KCNMB1: variants seen among roughly 807,000 people sequenced by gnomAD.
The protein encoded by KCNMB1 is calcium-activated potassium channel subunit beta-1.
In KCNMB1, 22 loss-of-function variants were observed where a neutral mutation model predicts 21.7. That is an observed-to-expected ratio of 1.01 (90% CI 0.72 to 1.45). The LOEUF is 1.45. KCNMB1 is among the 40% of genes most tolerant of loss of function. The probability of loss-of-function intolerance (pLI) is 0.00; values close to 1 mark genes in which losing one functional copy is unlikely to be tolerated. For synonymous variants in KCNMB1, 114 were observed against 107.6 expected, an observed-to-expected ratio of 1.06 and a Z score of -0.37; for missense variants, 243 against 243.4, an observed-to-expected ratio of 1.00 and a Z score of 0.01.
chr5:170,380,752 A>C (rs1329689751), intron 3 of KCNMB1, among the ~76,000 whole-genome samples: 2 of 152,168 alleles, frequency 1.3e-5, no homozygotes, highest in African/African-American at 2.4e-5. Context: ...AATGCCTCTG[A>C]CTGTGACCTT....
intron 3 of KCNMB1, 41 bp from the exon 4 acceptor site, chr5:170,379,014 C>T (rs1462807654): frequency 6.3e-7 from 1 of 1,597,240 alleles, no homozygotes; most frequent in East Asian, 2.2e-5. Context: ...TTGGAAATCC[C>T]CATTTCTTAG....
In KCNMB1 at chr5:170,377,636, A is replaced by G. The variant is rs188285369; in HGVS notation, c.*1068T>C. The G allele has an allele frequency of 5.0e-3, 758 of 151,668 alleles. 7 individuals are homozygous for G. Among genetic ancestry groups the G allele is most frequent in the African/African-American group, 0.017 (707 of 41,316 alleles). 9.4% of individuals were successfully genotyped at this position (151,668 alleles called of 1,614,324 possible). On this transcript the variant is annotated 3_prime_UTR_variant, in exon 4 of 4. Transcript: ENST00000274629. ...TCACCAGGCTGGAGTGCAGTGGCAC[A>G]ATCTCGGCTCACTGCAAGCTCCGAA...
chr5:170,383,556 C>G (rs923862005), intron 3 of KCNMB1, 123 bp downstream of exon 3: 2 of 1,084,524 alleles, frequency 1.8e-6, no homozygotes, highest in Non-Finnish European at 2.7e-6. Context: ...CAGTCTCATT[C>G]CAGCTGTGAG....
intron 3 of KCNMB1, among the ~76,000 whole-genome samples, chr5:170,380,134 C>T (rs911190287): frequency 3.3e-5 from 5 of 152,130 alleles, no homozygotes; most frequent in Middle Eastern, 3.2e-3. Flanking sequence ...TTAATTCTGA[C>T]GTTGATTATT....
At chr5:170,387,075 C>T (rs1429775617) in intron 1 of KCNMB1, among the ~76,000 whole-genome samples, 1 of 152,100 alleles carries the variant, frequency 6.6e-6, no homozygotes, top group Non-Finnish European at 1.5e-5. Flanking sequence ...GTCCTAGAGC[C>T]TCTGGTAAAT....
rs1764014416 is a variant in KCNMB1 at position 170,376,547 on chromosome 5, G to A, written c.*2157C>T. 6.6e-6 allele frequency: 1 copy of A among 152,086 alleles called. No individual in the cohort carries two copies. The highest frequency in any genetic ancestry group is 6.5e-5 in the Admixed American group (1 of 15,272). The allele number at this position is 152,086 out of a possible 1,614,324, so 9.4% of individuals were successfully genotyped here. On this transcript the variant is annotated 3_prime_UTR_variant, in exon 4 of 4. Coordinates refer to ENST00000274629, the MANE Select transcript of KCNMB1 (RefSeq NM_004137.4). Reference sequence around the variant, plus strand: ...CCCGCCCTCCAATAGGCCTCAGTGTGTGTTGTTCCCCTCTTTGTGTCCATG... The same window carrying A: ...CCCGCCCTCCAATAGGCCTCAGTGTATGTTGTTCCCCTCTTTGTGTCCATG...
chr5:170,375,943 A>G lies in KCNMB1; in HGVS notation c.*2761T>C, dbSNP rs193002438. ...AACAGCACAGCTGGAATTTGAACCC[A>G]AACAGTGCACATCCCAAGTCCACAT... On this transcript the variant is annotated 3_prime_UTR_variant, in exon 4 of 4. Transcript: ENST00000274629. 39 of 152,334 alleles carry G rather than the reference A, an allele frequency of 2.6e-4. No homozygotes were observed. The highest frequency in any genetic ancestry group is 9.4e-4 in the African/African-American group (39 of 41,574). The allele number at this position is 152,334 out of a possible 1,614,324, so 9.4% of individuals were successfully genotyped here.
chr5:170,386,492 C>A (rs779461377), intron 1 of KCNMB1, among the ~76,000 whole-genome samples: 3 of 152,158 alleles, frequency 2.0e-5, no homozygotes, highest in Non-Finnish European at 4.4e-5. Flanking sequence ...ATGCGGTGAG[C>A]GAGCAGTACA....
intron 2 of KCNMB1, among the ~76,000 whole-genome samples, chr5:170,384,229 G>A (rs1470959049): frequency 1.3e-5 from 2 of 152,152 alleles, no homozygotes; most frequent in Admixed American, 1.3e-4. Context: ...TGATTCTGAC[G>A]AGCAGCCAAA....
rs1177513069 is a variant in KCNMB1, at chr5:170,375,658, G to C, written c.*3046C>G. ...TGGCTCTGCTGAGTTCTGTGGTTGA[G>C]ATGCCAGGTACTGGAACACACAGCT... On this transcript the variant is annotated 3_prime_UTR_variant, in exon 4 of 4. Coordinates refer to ENST00000274629, the MANE Select transcript of KCNMB1 (RefSeq NM_004137.4). 1 of 152,638 alleles carries C rather than the reference G, an allele frequency of 6.6e-6. No individual in the cohort carries two copies. Among genetic ancestry groups the C allele is most frequent in the Admixed American group, 6.5e-5 (1 of 15,284 alleles). The allele number at this position is 152,638 out of a possible 1,614,324, so 9.5% of individuals were successfully genotyped here.
chr5:170,385,483 G>A lies in KCNMB1; in HGVS notation c.-24-12C>T, dbSNP rs190711491. 1 of 1,613,532 alleles carries A rather than the reference G, an allele frequency of 6.2e-7. No homozygotes were observed. The stretch of plus-strand genomic sequence containing the variant: ...GGCAGTGATCATTTCTAGGTCCACA[G>A]AAGCAAACAGAAGTGAGATCAGCCC... On this transcript the variant is annotated splice_polypyrimidine_tract_variant and intron_variant, in intron 1 of 3. Transcript: ENST00000274629.
rs139017403 is a variant in KCNMB1, at chr5:170,385,404, C to T, written c.44G>A (p.Arg15Gln). The T allele has an allele frequency of 2.8e-5, 45 of 1,613,952 alleles. No individual in the cohort carries two copies. The highest frequency in any genetic ancestry group is 3.6e-5 in the Non-Finnish European group (43 of 1,180,010). The change falls in exon 2 of 4, where the codon CGA becomes CAA. Residue 15 changes from arginine to glutamine, a missense_variant. By Grantham distance (43) the Arg-to-Gln change is conservative (BLOSUM62 1). Coordinates refer to ENST00000274629, the MANE Select transcript of KCNMB1 (RefSeq NM_004137.4). ...CATGGTTACACCCAGGCAAAGGGCT[C>T]GTGTCTCTCCCCGCTTCTGGGCCAT... ...LVMAQKRGET[R>Q]ALCLGVTMVV...
chr5:170,375,789 A>C lies in KCNMB1; in HGVS notation c.*2915T>G, dbSNP rs1763974739. ...TAGATAGCACTTACCATATGTCACT[A>C]TCCTAGGAAATTTACATAAAAATTT... On this transcript the variant is annotated 3_prime_UTR_variant, in exon 4 of 4. Transcript: ENST00000274629. 2 of 152,254 alleles carry C rather than the reference A, an allele frequency of 1.3e-5. No homozygotes were observed. Among genetic ancestry groups the C allele is most frequent in the Admixed American group, 1.3e-4 (2 of 15,286 alleles). The allele number at this position is 152,254 out of a possible 1,614,324, so 9.4% of individuals were successfully genotyped here. A position where few individuals can be genotyped will look rare whatever the true frequency, so the allele number is the denominator to read the frequency against.
rs1181872674 is a variant in KCNMB1, at chr5:170,376,517, T to G, written c.*2187A>C. On this transcript the variant is annotated 3_prime_UTR_variant, in exon 4 of 4. Transcript: ENST00000274629. ...TTTTCCCTGATCCTCTCCCTCCTCC[T>G]ACCTCCCGCCCTCCAATAGGCCTCA... The G allele has an allele frequency of 1.3e-5, 2 of 152,118 alleles. No homozygotes were observed. The highest frequency in any genetic ancestry group is 2.9e-5 in the Non-Finnish European group (2 of 68,040). 9.4% of individuals were successfully genotyped at this position (152,118 alleles called of 1,614,324 possible).
Position 170,378,909 on chromosome 5 carries a change from C to T in KCNMB1, c.371G>A (p.Arg124Lys), listed in dbSNP as rs1326896760. 3.7e-6 allele frequency: 6 copies of T among 1,614,240 alleles called. No individual in the cohort carries two copies. In the South Asian group the frequency reaches 4.4e-5, roughly 12 times the overall value. ...QTARADVEKV[R>K]AKFQEQQVFY... Reference sequence around the variant, plus strand: ...GACCTGCTGCTCTTGGAATTTGGCTCTGACCTTCTCCACGTCGGCCCGGGC... The same window carrying T: ...GACCTGCTGCTCTTGGAATTTGGCTTTGACCTTCTCCACGTCGGCCCGGGC... Residue 124 changes from arginine to lysine, a missense_variant, in exon 4 of 4, where the codon AGA (arginine) becomes AAA (lysine). Coordinates refer to ENST00000274629, the MANE Select transcript of KCNMB1 (RefSeq NM_004137.4).
rs1200462838 is a variant in KCNMB1, at chr5:170,378,679, A to G, written c.*25T>C. On this transcript the variant is annotated 3_prime_UTR_variant, in exon 4 of 4. Transcript: ENST00000274629. Reference sequence around the variant, plus strand: ...CCAGCCAGTCCCCTGTGCCCTGACAAGTGGTATGGCATGGATGGATGGCTC... The same window carrying G: ...CCAGCCAGTCCCCTGTGCCCTGACAGGTGGTATGGCATGGATGGATGGCTC... 8 of 1,577,812 alleles carry G rather than the reference A, an allele frequency of 5.1e-6. No homozygotes were observed. The highest frequency in any genetic ancestry group is 6.9e-6 in the Non-Finnish European group (8 of 1,163,060).
chr5:170,388,603 G>A (rs1370019329), intron 1 of KCNMB1, among the ~76,000 whole-genome samples: 1 of 152,210 alleles, frequency 6.6e-6, no homozygotes, highest in Non-Finnish European at 1.5e-5. Context: ...AGTGTCCTGG[G>A]TGACCTGATA....
chr5:170,385,569 A>G (rs986510058), intron 1 of KCNMB1, 98 bp from the exon 2 acceptor site: 8 of 1,092,856 alleles, frequency 7.3e-6, no homozygotes, highest in Admixed American at 2.1e-5. Context: ...TCAACTATTA[A>G]TATCACTCTT....
chr5:170,378,076 T>C lies in KCNMB1; in HGVS notation c.*628A>G, dbSNP rs953642314. 1 of 151,660 alleles carries C rather than the reference T, an allele frequency of 6.6e-6. No individual in the cohort carries two copies. The highest frequency in any genetic ancestry group is 1.5e-5 in the Non-Finnish European group (1 of 67,890). The allele number at this position is 151,660 out of a possible 1,614,324, so 9.4% of individuals were successfully genotyped here. On this transcript the variant is annotated 3_prime_UTR_variant, in exon 4 of 4. Transcript: ENST00000274629. ...CAAAAATTTAGAAAAGCAGCAAAAA[T>C]AAAAAGGGGATAAGGAAGAAAACAG...
Sources: allele counts gnomAD v4.1 joint callset (sites outside exome capture counted in the v4.1 genomes callset), GRCh38; gene constraint gnomAD v4.1.1; transcripts MANE v1.5; gene names NCBI Gene and HGNC (gene_info 2026-07-23, HGNC 2026-07-21).